Variants in SFRP1 observed in about 807,000 individuals in gnomAD.
SFRP1 encodes the protein secreted frizzled related protein 1.
A neutral mutation model predicts 25.9 loss-of-function variants in SFRP1; 9 were observed. That is an observed-to-expected ratio of 0.35 (90% CI 0.21 to 0.61). The LOEUF (loss-of-function observed/expected upper bound fraction) is 0.61, where lower values mean the gene tolerates loss of function less well. Ranked by LOEUF, SFRP1 falls within the 20% of genes least tolerant of loss-of-function variation. The pLI, the probability that SFRP1 is intolerant of heterozygous loss-of-function variation, is 0.78. For missense variants in SFRP1, 346 were observed against 418.2 expected, an observed-to-expected ratio of 0.83 and a Z score of 1.51; for synonymous variants, 178 against 174.0, an observed-to-expected ratio of 1.02 and a Z score of -0.18.
intron 2 of SFRP1, among the ~76,000 whole-genome samples, chr8:41,295,062 C>T (rs544123283): frequency 6.6e-6 from 1 of 152,236 alleles, no homozygotes; most frequent in South Asian, 2.1e-4. Context: ...CTGAAAAAAC[C>T]ACTATCAACA....
chr8:41,298,509 C>A, intron 2 of SFRP1, among the ~76,000 whole-genome samples: 1 of 151,978 alleles, frequency 6.6e-6, no homozygotes, highest in East Asian at 1.9e-4. Context: ...TGGGTTCAAG[C>A]AATCCTCCCA....
At chr8:41,303,396 G>T in intron 2 of SFRP1, 65 bp downstream of exon 2, 2 of 1,197,512 alleles carry the variant, frequency 1.7e-6, no homozygotes, top group Non-Finnish European at 1.2e-6. Context: ...CAGGGCCTCC[G>T]TCTGGCAGAG....
At chr8:41,299,662 CAAA>C (rs61141419) in intron 2 of SFRP1, among the ~76,000 whole-genome samples, 14 of 66,360 alleles carry the variant, frequency 2.1e-4, no homozygotes, top group East Asian at 5.2e-4. Flanking sequence ...GACTTAGTCT[CAAA>C]AAAAAAAAAA....
intron 2 of SFRP1, among the ~76,000 whole-genome samples, chr8:41,296,801 C>A (rs1803849392): frequency 6.6e-6 from 1 of 152,088 alleles, no homozygotes; most frequent in African/African-American, 2.4e-5. Context: ...TAGAGTGTTT[C>A]TAAAAAACAC....
chr8:41,276,485 A>C (rs1803573647), intron 2 of SFRP1, among the ~76,000 whole-genome samples: 1 of 152,210 alleles, frequency 6.6e-6, no homozygotes, highest in Admixed American at 6.5e-5. Flanking sequence ...CACTGTTCCC[A>C]GCAGGAGCCA....
chr8:41,291,782 G>C (rs901022843), intron 2 of SFRP1, among the ~76,000 whole-genome samples: 8 of 152,100 alleles, frequency 5.3e-5, no homozygotes, highest in Admixed American at 3.9e-4. Context: ...CATGAAATTA[G>C]GTTAATCCAG....
At chr8:41,300,195 G>A (rs938017983) in intron 2 of SFRP1, among the ~76,000 whole-genome samples, 5 of 152,192 alleles carry the variant, frequency 3.3e-5, no homozygotes, top group African/African-American at 1.2e-4. Context: ...GCGGGAAACT[G>A]AAAATATTTC....
chr8:41,285,481 C>A (rs934766864), intron 2 of SFRP1, among the ~76,000 whole-genome samples: 1 of 152,202 alleles, frequency 6.6e-6, no homozygotes, highest in African/African-American at 2.4e-5. Context: ...ATGCCAAAAA[C>A]CAGAGAACTA....
intron 1 of SFRP1, among the ~76,000 whole-genome samples, chr8:41,307,978 A>C (rs1804019527): frequency 6.6e-6 from 1 of 152,220 alleles, no homozygotes; most frequent in Admixed American, 6.5e-5. Flanking sequence ...CCGAGGGCAG[A>C]GCTGGTACCT....
At chr8:41,275,659 C>T (rs1158652739) in intron 2 of SFRP1, among the ~76,000 whole-genome samples, 2 of 152,092 alleles carry the variant, frequency 1.3e-5, no homozygotes, top group South Asian at 2.1e-4. Flanking sequence ...CACACCGCCA[C>T]GCCCGGCTAA....
chr8:41,308,504 C>G (rs950770772), intron 1 of SFRP1, 112 bp downstream of exon 1: 1 of 863,490 alleles, frequency 1.2e-6, no homozygotes, highest in African/African-American at 1.7e-5. Flanking sequence ...GGCCCTCAGT[C>G]CCCAGCACCG....
intron 2 of SFRP1, among the ~76,000 whole-genome samples, chr8:41,274,381 T>A (rs868596751): frequency 6.6e-6 from 1 of 152,154 alleles, no homozygotes; most frequent in Non-Finnish European, 1.5e-5. Context: ...AATGGGGCAG[T>A]TACTATCTCC....
At chr8:41,302,647 C>G (rs1323822607) in intron 2 of SFRP1, among the ~76,000 whole-genome samples, 3 of 152,222 alleles carry the variant, frequency 2.0e-5, no homozygotes, top group African/African-American at 7.2e-5. Context: ...AGAGAGGGAG[C>G]TGGCCCTCCA....
At chr8:41,272,704 CAG>C (rs765169485) in intron 2 of SFRP1, among the ~76,000 whole-genome samples, 1 of 151,792 alleles carries the variant, frequency 6.6e-6, no homozygotes, top group Non-Finnish European at 1.5e-5. Context: ...AGATGGGAAA[CAG>C]AGGAAAGAAA....
chr8:41,267,385 G>A (rs1457849429), intron 2 of SFRP1, among the ~76,000 whole-genome samples: 1 of 152,168 alleles, frequency 6.6e-6, no homozygotes, highest in Non-Finnish European at 1.5e-5. Flanking sequence ...CAGTGTCGCG[G>A]GTACAATCAA....
chr8:41,286,093 C>G (rs928387153), intron 2 of SFRP1, among the ~76,000 whole-genome samples: 1 of 151,984 alleles, frequency 6.6e-6, no homozygotes, highest in Admixed American at 6.6e-5. Flanking sequence ...CCTGGCATCA[C>G]CCCACTTCCA....
In SFRP1 at chr8:41,309,400, G is replaced by T. The variant is rs1804044908; in HGVS notation, c.-241C>A. The T allele has an allele frequency of 4.9e-6, 1 of 202,542 alleles. No homozygotes were observed. Among genetic ancestry groups the T allele is most frequent in the South Asian group, 1.6e-4 (1 of 6,326 alleles). 12.5% of individuals were successfully genotyped at this position (202,542 alleles called of 1,614,324 possible). On this transcript the variant is annotated 5_prime_UTR_variant, in exon 1 of 3. Transcript: ENST00000220772. ...GGCTGGGTGCGCCCCGGCTCCCGGA[G>T]GTGCGGCGAGCAGGAAGGCGCGGGG...
intron 2 of SFRP1, among the ~76,000 whole-genome samples, chr8:41,267,362 C>T (rs184604567): frequency 1.7e-4 from 26 of 152,342 alleles, no homozygotes; most frequent in African/African-American, 5.8e-4. Flanking sequence ...ATAAACGAAG[C>T]AGACTGAACA....
At chr8:41,289,391 C>T (rs1803748352) in intron 2 of SFRP1, among the ~76,000 whole-genome samples, 1 of 152,218 alleles carries the variant, frequency 6.6e-6, no homozygotes, top group Non-Finnish European at 1.5e-5. Context: ...ACTCCAGAAT[C>T]TGTGTTATTT....
Sources: gnomAD v4.1 joint callset for allele counts (sites outside exome capture counted in the v4.1 genomes callset) on GRCh38, gnomAD v4.1.1 for gene constraint, MANE v1.5 for transcripts, NCBI Gene and HGNC (gene_info 2026-07-23, HGNC 2026-07-21) for gene names.